PLPP1: variants seen among roughly 807,000 people sequenced by gnomAD.
PLPP1 encodes lipid phosphate phosphohydrolase 1a.
Under a neutral mutation model 31.2 loss-of-function variants are expected in PLPP1, and 24 were observed. The ratio of observed to expected loss-of-function variants is 0.77; its 90% CI spans 0.56 to 1.08. The LOEUF is 1.08. Ranked by LOEUF, PLPP1 falls within the 50% of genes least tolerant of loss-of-function variation. The pLI, the probability that PLPP1 is intolerant of heterozygous loss-of-function variation, is 0.00. For missense variants in PLPP1, 319 were observed against 342.7 expected, an observed-to-expected ratio of 0.93 and a Z score of 0.55; for synonymous variants, 146 against 126.3, an observed-to-expected ratio of 1.16 and a Z score of -1.05.
chr5:55,508,829 G>A (rs888761364), intron 1 of PLPP1: 2 of 154,312 alleles, frequency 1.3e-5, no homozygotes, highest in Admixed American at 1.3e-4. Context: ...CAATAGTTAA[G>A]TGGTGCACTC....
At chr5:55,472,554 C>T (rs1178669495) in intron 2 of PLPP1, among the ~76,000 whole-genome samples, 2 of 151,570 alleles carry the variant, frequency 1.3e-5, no homozygotes, top group Non-Finnish European at 1.5e-5. Context: ...GAGCTGAGAT[C>T]GCGCCAGTGC....
intron 4 of PLPP1, among the ~76,000 whole-genome samples, chr5:55,426,484 C>T (rs1207880291): frequency 6.6e-6 from 1 of 151,652 alleles, no homozygotes; most frequent in Non-Finnish European, 1.5e-5. Context: ...TCACTGCAGC[C>T]TCAAACTCCT....
chr5:55,474,928 T>G (rs879550208), intron 2 of PLPP1, among the ~76,000 whole-genome samples: 10 of 151,850 alleles, frequency 6.6e-5, no homozygotes, highest in Admixed American at 2.0e-4. Context: ...TCTTTTCGTG[T>G]TTTTTTTCTG....
rs1279853642 is a variant in PLPP1 at position 55,534,833 on chromosome 5, CAG to C, written c.-206_-205del. The C allele has an allele frequency of 1.8e-6, 1 of 545,602 alleles. No individual in the cohort carries two copies. The highest frequency in any genetic ancestry group is 2.0e-5 in the African/African-American group (1 of 49,268). 33.8% of individuals were successfully genotyped at this position (545,602 alleles called of 1,614,324 possible). On this transcript the variant is annotated 5_prime_UTR_variant, in exon 1 of 6. Transcript: ENST00000307259. Reference sequence around the variant, plus strand: ...AATGGCGCCCGGGGCCCTCCCCTCACAGCCCCCGCGAACACTCGGTTAGTGCC... The same window carrying C: ...AATGGCGCCCGGGGCCCTCCCCTCACCCCCCGCGAACACTCGGTTAGTGCC...
intron 1 of PLPP1, among the ~76,000 whole-genome samples, chr5:55,491,565 GAAGA>G (rs1554040328): frequency 2.6e-5 from 4 of 152,036 alleles, no homozygotes; most frequent in Non-Finnish European, 5.9e-5. Context: ...TCATCCAGGA[GAAGA>G]AACATGTAAA....
intron 1 of PLPP1, among the ~76,000 whole-genome samples, chr5:55,501,164 T>C (rs958330038): frequency 1.3e-5 from 2 of 151,974 alleles, no homozygotes; most frequent in Non-Finnish European, 2.9e-5. Flanking sequence ...AATACAAAAA[T>C]TAGCTGGGCA....
At chr5:55,435,941 A>C (rs1440248504) in intron 4 of PLPP1, among the ~76,000 whole-genome samples, 2 of 151,048 alleles carry the variant, frequency 1.3e-5, no homozygotes, top group African/African-American at 4.9e-5. Flanking sequence ...TTGAACCCAG[A>C]AGGCGGAGGT....
At chr5:55,521,964 T>C (rs1405709415) in intron 1 of PLPP1, among the ~76,000 whole-genome samples, 2 of 152,246 alleles carry the variant, frequency 1.3e-5, no homozygotes, top group Non-Finnish European at 2.9e-5. Context: ...CTACTACTGA[T>C]GCAAATGAAC....
intron 3 of PLPP1, among the ~76,000 whole-genome samples, chr5:55,443,508 C>A (rs1751683136): frequency 6.6e-6 from 1 of 152,000 alleles, no homozygotes; most frequent in Non-Finnish European, 1.5e-5. Context: ...TATTGAAGAG[C>A]CTACAAGTTA....
intron 3 of PLPP1, among the ~76,000 whole-genome samples, chr5:55,448,442 C>T (rs1461399538): frequency 7.3e-6 from 1 of 136,748 alleles, no homozygotes; most frequent in Non-Finnish European, 1.5e-5. Flanking sequence ...AAGGAAGATT[C>T]TAGCACCTTT....
At chr5:55,448,415 C>T (rs182432843) in intron 3 of PLPP1, among the ~76,000 whole-genome samples, 85 of 149,724 alleles carry the variant, frequency 5.7e-4, no homozygotes, top group Non-Finnish European at 2.5e-4. Context: ...GCAACACTGC[C>T]GGAAACTCAA....
chr5:55,533,143 G>T (rs1052435160), intron 1 of PLPP1, among the ~76,000 whole-genome samples: 6 of 151,862 alleles, frequency 4.0e-5, no homozygotes, highest in Non-Finnish European at 8.8e-5. Context: ...CAACACTTTG[G>T]GAGGCTGAGA....
chr5:55,525,518 T>C (rs1254260638), intron 1 of PLPP1, among the ~76,000 whole-genome samples: 2 of 152,286 alleles, frequency 1.3e-5, no homozygotes, highest in East Asian at 3.9e-4. Context: ...TTTAAAAAAA[T>C]AGAAATGGGG....
chr5:55,515,666 C>G (rs1228178935), intron 1 of PLPP1, among the ~76,000 whole-genome samples: 1 of 151,860 alleles, frequency 6.6e-6, no homozygotes, highest in Non-Finnish European at 1.5e-5. Context: ...CAAAGTAGAT[C>G]GTTACCACTC....
intron 1 of PLPP1, among the ~76,000 whole-genome samples, chr5:55,494,940 GA>G: frequency 7.6e-6 from 1 of 132,386 alleles, no homozygotes; most frequent in Middle Eastern, 4.5e-3. Flanking sequence ...CCAACATGGC[GA>G]AACCCTGTCT....
intron 3 of PLPP1, among the ~76,000 whole-genome samples, chr5:55,451,040 G>C (rs1751880981): frequency 6.6e-6 from 1 of 152,192 alleles, no homozygotes; most frequent in South Asian, 2.1e-4. Flanking sequence ...CCAAGGCCAA[G>C]AACATCTACT....
At chr5:55,464,655 G>A (rs1352632451) in intron 3 of PLPP1, among the ~76,000 whole-genome samples, 2 of 152,120 alleles carry the variant, frequency 1.3e-5, no homozygotes, top group Non-Finnish European at 2.9e-5. Context: ...CTCAGGGGGA[G>A]AAAAAGGAAC....
chr5:55,516,861 T>C (rs1257906035), intron 1 of PLPP1, among the ~76,000 whole-genome samples: 1 of 152,230 alleles, frequency 6.6e-6, no homozygotes, highest in Non-Finnish European at 1.5e-5. Flanking sequence ...TAAGCTCTTT[T>C]AAAAGGTACA....
chr5:55,491,013 T>C, intron 1 of PLPP1: 2 of 1,613,458 alleles, frequency 1.2e-6, no homozygotes, highest in Non-Finnish European at 1.7e-6. Flanking sequence ...GATGTGACGG[T>C]ACTGTCATGG....
Sources: allele counts gnomAD v4.1 joint callset (sites outside exome capture counted in the v4.1 genomes callset), GRCh38; gene constraint gnomAD v4.1.1; transcripts MANE v1.5; gene names NCBI Gene and HGNC (gene_info 2026-07-23, HGNC 2026-07-21).